RNF180: variants seen among roughly 807,000 people sequenced by gnomAD.
RNF180 encodes E3 ubiquitin-protein ligase RNF180.
Under a neutral mutation model 59.2 loss-of-function variants are expected in RNF180, and 38 were observed. The ratio of observed to expected loss-of-function variants is 0.64; its 90% CI spans 0.50 to 0.84. The LOEUF (loss-of-function observed/expected upper bound fraction) is 0.84. RNF180 is among the 40% of genes least tolerant of loss of function. The pLI, the probability that RNF180 is intolerant of heterozygous loss-of-function variation, is 0.00. For synonymous variants in RNF180, 262 were observed against 240.3 expected (o/e 1.09, Z -0.84); for missense variants, 705 against 700.9 (o/e 1.01, Z -0.07).
chr5:64,177,882 T>G (rs1368081539), intron 1 of RNF180, among the ~76,000 whole-genome samples: 1 of 151,886 alleles, frequency 6.6e-6, no homozygotes, highest in Non-Finnish European at 1.5e-5. Flanking sequence ...GAAGGACCAT[T>G]ACTGAAACCC....
chr5:64,221,346 A>G (rs1342770561), intron 5 of RNF180, among the ~76,000 whole-genome samples: 1 of 152,102 alleles, frequency 6.6e-6, no homozygotes, highest in Non-Finnish European at 1.5e-5. Flanking sequence ...AAAGTCACAA[A>G]ATAGTCGTTT....
chr5:64,293,696 T>C (rs1400667707), intron 5 of RNF180, among the ~76,000 whole-genome samples: 14 of 152,012 alleles, frequency 9.2e-5, no homozygotes, highest in Admixed American at 6.5e-4. Context: ...AGTTGGGTAA[T>C]AGGTGATTTA....
chr5:64,193,023 A>G (rs548707053), intron 1 of RNF180, among the ~76,000 whole-genome samples: 3 of 150,574 alleles, frequency 2.0e-5, no homozygotes, highest in Admixed American at 2.0e-4. Flanking sequence ...GCTAAGTGAA[A>G]TAAGGCAGTC....
intron 1 of RNF180, among the ~76,000 whole-genome samples, chr5:64,172,701 C>A (rs1750005623): frequency 6.6e-6 from 1 of 152,186 alleles, no homozygotes; most frequent in Admixed American, 6.5e-5. Flanking sequence ...GATGCCTCCT[C>A]AGTGCACGAA....
At chr5:64,248,174 G>A (rs1380326871) in intron 5 of RNF180, among the ~76,000 whole-genome samples, 3 of 152,174 alleles carry the variant, frequency 2.0e-5, no homozygotes, top group African/African-American at 4.8e-5. Flanking sequence ...AACATAGGCA[G>A]TACCATCCAG....
chr5:64,256,583 C>T (rs1014982095), intron 5 of RNF180, among the ~76,000 whole-genome samples: 1 of 152,146 alleles, frequency 6.6e-6, no homozygotes, highest in South Asian at 2.1e-4. Flanking sequence ...GTACCAGTAC[C>T]ATGCTGTTTT....
At chr5:64,252,614 A>G (rs2112281716) in intron 5 of RNF180, among the ~76,000 whole-genome samples, 1 of 152,290 alleles carries the variant, frequency 6.6e-6, no homozygotes, top group East Asian at 1.9e-4. Flanking sequence ...TAGAAATGCC[A>G]TCTTTCAGTT....
intron 1 of RNF180, among the ~76,000 whole-genome samples, chr5:64,174,075 G>C (rs961790133): frequency 6.6e-6 from 1 of 152,044 alleles, no homozygotes; most frequent in Non-Finnish European, 1.5e-5. Flanking sequence ...TTCTGTGCTT[G>C]GTTTATTTCA....
At chr5:64,243,508 G>C (rs1225009012) in intron 5 of RNF180, among the ~76,000 whole-genome samples, 1 of 152,194 alleles carries the variant, frequency 6.6e-6, no homozygotes, top group East Asian at 1.9e-4. Context: ...GCTCAGCAAA[G>C]CTGCTGTAGC....
intron 5 of RNF180, among the ~76,000 whole-genome samples, chr5:64,283,499 C>G (rs888247616): frequency 2.6e-5 from 4 of 152,054 alleles, no homozygotes; most frequent in Admixed American, 2.0e-4. Flanking sequence ...TGTCCCCACT[C>G]AAATTTCACC....
At chr5:64,359,344 GTA>G (rs1314303603) in intron 7 of RNF180, among the ~76,000 whole-genome samples, 1 of 149,042 alleles carries the variant, frequency 6.7e-6, no homozygotes, top group Non-Finnish European at 1.5e-5. Flanking sequence ...GTGTGAGATG[GTA>G]TCTCATTGTG....
At chr5:64,208,638 A>G (rs1352578111) in intron 2 of RNF180, among the ~76,000 whole-genome samples, 3 of 152,074 alleles carry the variant, frequency 2.0e-5, no homozygotes, top group Admixed American at 1.3e-4. Context: ...TACAGGTGAA[A>G]GTAGTTGGCA....
At chr5:64,210,421 G>T (rs909797834) in intron 2 of RNF180, among the ~76,000 whole-genome samples, 13 of 152,076 alleles carry the variant, frequency 8.5e-5, no homozygotes, top group Non-Finnish European at 1.8e-4. Flanking sequence ...ATTAAAGTTT[G>T]GAACCCTAGG....
chr5:64,250,708 A>G (rs934119218), intron 5 of RNF180, among the ~76,000 whole-genome samples: 4 of 152,138 alleles, frequency 2.6e-5, no homozygotes, highest in Non-Finnish European at 5.9e-5. Flanking sequence ...CCTAAATCAG[A>G]AATAAAAAGT....
chr5:64,322,101 A>G (rs1232216636), intron 5 of RNF180, among the ~76,000 whole-genome samples: 1 of 152,228 alleles, frequency 6.6e-6, no homozygotes, highest in East Asian at 1.9e-4. Flanking sequence ...GGCATGGGCA[A>G]AGATTTAATT....
chr5:64,184,063 C>A (rs1312615999), intron 1 of RNF180, among the ~76,000 whole-genome samples: 1 of 152,136 alleles, frequency 6.6e-6, no homozygotes, highest in Non-Finnish European at 1.5e-5. Context: ...AATTTGGACA[C>A]ATAAAGACCT....
intron 5 of RNF180, among the ~76,000 whole-genome samples, chr5:64,323,263 G>A (rs926610205): frequency 3.3e-5 from 5 of 152,120 alleles, no homozygotes; most frequent in Admixed American, 6.5e-5. Flanking sequence ...GATATAGGCT[G>A]GGTGTGGTGT....
chr5:64,212,221 CCTT>C (rs1271404670), intron 3 of RNF180, 61 bp downstream of exon 3: 1 of 971,956 alleles, frequency 1.0e-6, no homozygotes, highest in African/African-American at 1.6e-5. Context: ...TTTTTGTCCT[CCTT>C]TTAGAGCTAT....
intron 7 of RNF180, among the ~76,000 whole-genome samples, chr5:64,367,080 G>GA (rs1029297173): frequency 9.2e-5 from 14 of 151,434 alleles, no homozygotes; most frequent in Non-Finnish European, 1.9e-4. Flanking sequence ...AAGTGCTGAA[G>GA]AAAAAAATGG....
Sources: gnomAD v4.1 joint callset for allele counts (sites outside exome capture counted in the v4.1 genomes callset) on GRCh38, gnomAD v4.1.1 for gene constraint, MANE v1.5 for transcripts, NCBI Gene and HGNC (gene_info 2026-07-23, HGNC 2026-07-21) for gene names.